PTPRF: variants seen among roughly 807,000 people sequenced by gnomAD.
PTPRF encodes receptor-type tyrosine-protein phosphatase F.
PTPRF carries 59 observed loss-of-function variants against 201.8 expected under a neutral mutation model. The ratio of observed to expected loss-of-function variants is 0.29; its 90% confidence interval spans 0.24 to 0.36. PTPRF has a LOEUF of 0.36. PTPRF is among the 10% of genes least tolerant of loss of function. The pLI, the probability that PTPRF is intolerant of heterozygous loss-of-function variation, is 1.00. For missense variants in PTPRF, 2,132 were observed against 2,690.5 expected (o/e 0.79, Z 4.59); for synonymous variants, 1,088 against 1,089.7 (o/e 1.00, Z 0.03).
chr1:43,539,020 G>T (rs1041548547), intron 2 of PTPRF, among the ~76,000 whole-genome samples: 1 of 152,112 alleles, frequency 6.6e-6, no homozygotes, highest in Non-Finnish European at 1.5e-5. Context: ...TTGCCCATCC[G>T]TTCATTCTTT....
intron 16 of PTPRF, 89 bp from the exon 17 acceptor site, chr1:43,604,814 C>T (rs1358954155): frequency 9.0e-7 from 1 of 1,104,982 alleles, no homozygotes; most frequent in Non-Finnish European, 1.4e-6. Flanking sequence ...CAACCAGTGT[C>T]TCATCCTGGC....
At chr1:43,579,434 CT>C (rs1647168451) in intron 7 of PTPRF, 1 of 351,270 alleles carries the variant, frequency 2.8e-6, no homozygotes, top group African/African-American at 2.1e-5. Flanking sequence ...CTGGCCAGGT[CT>C]TCCTGGAGCC....
At chr1:43,538,057 T>C in intron 1 of PTPRF, 141 bp from the exon 2 acceptor site, 1 of 393,416 alleles carries the variant, frequency 2.5e-6, no homozygotes, top group Non-Finnish European at 4.5e-6. Flanking sequence ...TTTTACCAGA[T>C]GGGGATGGTT....
chr1:43,554,871 G>A lies in PTPRF; in HGVS notation c.379+930G>A, dbSNP rs1407848787. ...TTTCTTTCTTTCTTTTTTTTTTTTT[G>A]AGATGCAGTCTCACTCTTGTTGCCC... On this transcript the variant is annotated intron_variant, in intron 5 of 33. Transcript: ENST00000359947. This position sits in a 1 kb window ranked among gnomAD's most constrained non-coding sequence, Gnocchi z 4.1. Among the ~76,000 whole-genome samples, 1 of 76,468 alleles carries A rather than the reference G, an allele frequency of 1.3e-5. No individual in the cohort carries two copies. The highest frequency in any genetic ancestry group is 2.6e-5 in the Non-Finnish European group (1 of 38,358). 50.2% of individuals were successfully genotyped at this position (76,468 alleles called of 152,430 possible).
intron 5 of PTPRF, among the ~76,000 whole-genome samples, chr1:43,559,107 G>A (rs927003160): frequency 6.6e-6 from 1 of 152,200 alleles, no homozygotes; most frequent in African/African-American, 2.4e-5. Context: ...GGCAGATAAC[G>A]TGCACTGTTC....
intron 8 of PTPRF, 148 bp downstream of exon 8, chr1:43,589,148 C>T: frequency 3.2e-6 from 3 of 924,768 alleles, no homozygotes; most frequent in Non-Finnish European, 4.5e-6. Flanking sequence ...GGTCCTCCAG[C>T]CCTTAGAGGG....
rs1461978532 is a variant in PTPRF at position 43,623,428 on chromosome 1, A to G, written c.*1425A>G. The G allele has an allele frequency of 6.6e-6, 1 of 152,586 alleles. No individual in the cohort carries two copies. Among genetic ancestry groups the G allele is most frequent in the Non-Finnish European group, 1.5e-5 (1 of 68,018 alleles). 9.5% of individuals were successfully genotyped at this position (152,586 alleles called of 1,614,324 possible). ...GGTAAGTGGGGGCGGGGAAGGGTGC[A>G]TAGCTGTTTTAGCTGAGGGACGTGG... On this transcript the variant is annotated 3_prime_UTR_variant, in exon 34 of 34. Transcript: ENST00000359947.
intron 7 of PTPRF, among the ~76,000 whole-genome samples, chr1:43,587,961 A>ACCCCT (rs1157026582): frequency 1.3e-5 from 2 of 151,872 alleles, no homozygotes; most frequent in Non-Finnish European, 2.9e-5. Flanking sequence ...AGCCACAGCC[A>ACCCCT]CCCCTCCCCT....
At chr1:43,614,801 A>G (rs772701212) in intron 23 of PTPRF, among the ~76,000 whole-genome samples, 3 of 152,128 alleles carry the variant, frequency 2.0e-5, no homozygotes, top group Non-Finnish European at 4.4e-5. Flanking sequence ...GCGTTGAGCC[A>G]AGGTCATGCC....
At chr1:43,561,332 CA>C (rs1347029334) in intron 5 of PTPRF, among the ~76,000 whole-genome samples, 2 of 152,170 alleles carry the variant, frequency 1.3e-5, no homozygotes, top group Non-Finnish European at 2.9e-5. Flanking sequence ...TTCCCTGCTC[CA>C]AACCTGTATA....
intron 3 of PTPRF, among the ~76,000 whole-genome samples, chr1:43,550,504 ATCC>A (rs1210080057): frequency 6.6e-6 from 1 of 152,078 alleles, no homozygotes; most frequent in Non-Finnish European, 1.5e-5. Flanking sequence ...CGCGGTCCTC[ATCC>A]TCCTGGTTCC....
Position 43,605,297 on chromosome 1 carries a change from C to T in PTPRF, c.3243C>T (p.Gly1081=), listed in dbSNP as rs1557834725. 1 of 1,613,308 alleles carries T rather than the reference C, an allele frequency of 6.2e-7. No homozygotes were observed. The change falls in exon 18 of 34, where the codon GGC becomes GGT. Residue 1081 remains glycine, a synonymous_variant. Transcript: ENST00000359947. ...ACTCGTTTGTGCTGATGAACCGTGG[C>T]AGCAGCGCAGGGGGCCTGCAGCACC... ...TEYSFVLMNR[G]SSAGGLQHLV...
chr1:43,603,352 C>T lies in PTPRF; in HGVS notation c.2341-64C>T. On this transcript the variant is annotated intron_variant, in intron 14 of 33. Transcript: ENST00000359947. The surrounding 1 kb of genome is among the most constrained non-coding windows in gnomAD (Gnocchi z 5.8). ...CCCCTCAGGCTAGGGTCCTGAGGTC[C>T]CTGACAAGGTCTGGCCTCTCCCTGC... 4 of 1,469,360 alleles carry T rather than the reference C, an allele frequency of 2.7e-6. No homozygotes were observed. In the South Asian group the frequency reaches 3.4e-5, roughly 13 times the overall value. 91.0% of individuals were successfully genotyped at this position (1,469,360 alleles called of 1,614,324 possible). A position where few individuals can be genotyped will look rare whatever the true frequency, so the allele number is the denominator to read the frequency against.
At chr1:43,589,423 C>CCTT (rs34478853) in intron 8 of PTPRF, among the ~76,000 whole-genome samples, 39,321 of 151,684 alleles carry the variant, frequency 0.26, 6,000 homozygotes, top group East Asian at 0.48. Context: ...ATCTCACCCT[C>CCTT]ACCACTACAT....
intron 22 of PTPRF, chr1:43,613,109 C>CA (rs1656879709): frequency 5.8e-6 from 2 of 344,580 alleles, no homozygotes; most frequent in South Asian, 4.6e-5. Context: ...TCCTCTGTCT[C>CA]ACACCCCCCT....
At chr1:43,592,295 T>G (rs1650991329) in intron 10 of PTPRF, among the ~76,000 whole-genome samples, 162 bp from the exon 11 acceptor site, 1 of 152,272 alleles carries the variant, frequency 6.6e-6, no homozygotes, top group East Asian at 1.9e-4. Flanking sequence ...TGGCATGGGC[T>G]AAGCCCTGAG....
At position 43,591,185 on chromosome 1, in the gene PTPRF, G is replaced by A. The variant is rs779257179; in HGVS notation, c.1163G>A (p.Arg388His). ...GLSPFSEYAFRVLAVNSIGRG... is the reference protein window; with the variant it reads ...GLSPFSEYAFHVLAVNSIGRG... Reference sequence around the variant, plus strand: ...AGCCCTTTCTCGGAATATGCCTTCCGCGTGCTGGCGGTGAACAGCATCGGG... The same window carrying A: ...AGCCCTTTCTCGGAATATGCCTTCCACGTGCTGGCGGTGAACAGCATCGGG... The change falls in exon 9 of 34, where the codon CGC becomes CAC. Residue 388 changes from arginine (R) to histidine (H), a missense_variant. By Grantham distance (29) the Arg-to-His change is conservative. Coordinates refer to ENST00000359947, the MANE Select transcript of PTPRF (RefSeq NM_002840.5). 14 of 1,611,056 alleles carry A rather than the reference G, an allele frequency of 8.7e-6. No individual in the cohort carries two copies. The highest frequency in any genetic ancestry group is 1.7e-5 in the Admixed American group (1 of 59,992).
chr1:43,567,519 A>G (rs533981979), intron 5 of PTPRF, among the ~76,000 whole-genome samples: 4 of 152,178 alleles, frequency 2.6e-5, no homozygotes, highest in Non-Finnish European at 5.9e-5. Flanking sequence ...CGTGCTGGGA[A>G]TCCTATTGCT....
At chr1:43,584,118 C>G (rs190169047) in intron 7 of PTPRF, among the ~76,000 whole-genome samples, 1 of 152,144 alleles carries the variant, frequency 6.6e-6, no homozygotes, top group Admixed American at 6.5e-5. Flanking sequence ...AGCCAGACCC[C>G]CACCACTGAT....
Sources: gnomAD v4.1 joint callset for allele counts (sites outside exome capture counted in the v4.1 genomes callset) on GRCh38, gnomAD v4.1.1 for gene constraint, Gnocchi (gnomAD v3.1) non-coding constraint, MANE v1.5 for transcripts, NCBI Gene and HGNC (gene_info 2026-07-23, HGNC 2026-07-21) for gene names.